INO80D: variants seen among roughly 807,000 people sequenced by gnomAD.
INO80D encodes the protein INO80 complex subunit D.
INO80D carries 21 observed loss-of-function variants against 87.6 expected under a neutral mutation model. The ratio of observed to expected loss-of-function variants is 0.24; its 90% CI spans 0.17 to 0.35. INO80D has a LOEUF of 0.35. INO80D is among the 10% of genes least tolerant of loss of function. INO80D has a pLI of 1.00. For synonymous variants in INO80D, 440 were observed against 491.0 expected (o/e 0.90, Z 1.37); for missense variants, 982 against 1,280.7 (o/e 0.77, Z 3.56).
intron 8 of INO80D, among the ~76,000 whole-genome samples, chr2:206,013,304 A>T (rs1286360086): frequency 6.6e-6 from 1 of 152,208 alleles, no homozygotes; most frequent in Non-Finnish European, 1.5e-5. Flanking sequence ...CTGTAATCCC[A>T]GCACTTTGGG....
intron 4 of INO80D, among the ~76,000 whole-genome samples, chr2:206,048,699 G>C (rs1689263933): frequency 6.6e-6 from 1 of 152,252 alleles, no homozygotes; most frequent in South Asian, 2.1e-4. Flanking sequence ...TTAGAGACCA[G>C]CCTGGGTAAC....
Position 205,996,907 on chromosome 2 carries a change from T to C in INO80D, c.*7461A>G, listed in dbSNP as rs1239852241. 1.4e-5 allele frequency: 2 copies of C among 141,932 alleles called. No homozygotes were observed. The highest frequency in any genetic ancestry group is 7.4e-5 in the Admixed American group (1 of 13,558). 8.8% of individuals were successfully genotyped at this position (141,932 alleles called of 1,614,324 possible). A position where few individuals can be genotyped will look rare whatever the true frequency, so the allele number is the denominator to read the frequency against. ...TTTGCATGCATATGTACAAGAAATATGCAGATCTAAAAAAAAATCCCAAAA... is the reference window on the plus strand; with the variant it reads ...TTTGCATGCATATGTACAAGAAATACGCAGATCTAAAAAAAAATCCCAAAA... On this transcript the variant is annotated 3_prime_UTR_variant, in exon 11 of 11. Transcript: ENST00000403263.
At chr2:206,060,992 T>C (rs1450516194) in intron 3 of INO80D, among the ~76,000 whole-genome samples, 1 of 152,108 alleles carries the variant, frequency 6.6e-6, no homozygotes, top group African/African-American at 2.4e-5. Context: ...TTTGAAGAGA[T>C]TCATAAGGAC....
rs746148095 is a variant in INO80D at position 206,056,755 on chromosome 2, G to A, written c.407C>T (p.Ala136Val). The A allele has an allele frequency of 2.5e-6, 4 of 1,612,924 alleles. No homozygotes were observed. In the East Asian group the frequency reaches 6.7e-5, roughly 27 times the overall value. ...TTCCAGGTAGTGGAGAGGGACCCTT[G>A]CCCCAGGTGGAGAGAGGGACATTCC... ...LDGMSLSPPGARVPLHYLETE... is the reference protein window; with the variant it reads ...LDGMSLSPPGVRVPLHYLETE... The change falls in exon 4 of 11, where the codon GCA (alanine) becomes GTA (valine). Residue 136 changes from alanine (A) to valine (V), a missense_variant. Ala to Val is a moderately conservative substitution (Grantham distance 64, BLOSUM62 0). Coordinates refer to ENST00000403263, the MANE Select transcript of INO80D (RefSeq NM_017759.5).
At chr2:206,069,303 G>A (rs1486237948) in intron 1 of INO80D, among the ~76,000 whole-genome samples, 1 of 151,672 alleles carries the variant, frequency 6.6e-6, no homozygotes, top group Non-Finnish European at 1.5e-5. Context: ...TTTTCCTTAT[G>A]GTTTTCTTAA....
At position 206,009,582 on chromosome 2, in the gene INO80D, G is replaced by T. The variant is rs747617344; in HGVS notation, c.1755C>A (p.His585Gln). 1 of 1,611,148 alleles carries T rather than the reference G, an allele frequency of 6.2e-7. No individual in the cohort carries two copies. Among genetic ancestry groups the T allele is most frequent in the South Asian group, 1.1e-5 (1 of 90,670 alleles). The part of the protein sequence containing the change: ...ASVSLPVEAS[H>Q]IRSPSTPELS... ...GTGCCAGTGGCACCACTGACCGGAT[G>T]TGAGAGGCCTCCACTGGCAGTGAGA... The change falls in exon 9 of 11, where the codon CAC becomes CAA. Residue 585 changes from histidine (H) to glutamine (Q), a missense_variant. Coordinates refer to ENST00000403263, the MANE Select transcript of INO80D (RefSeq NM_017759.5).
At chr2:206,008,283 T>C (rs969996247) in intron 9 of INO80D, among the ~76,000 whole-genome samples, 2 of 57,642 alleles carry the variant, frequency 3.5e-5, no homozygotes, top group African/African-American at 4.8e-5. Context: ...CATGCCTTGC[T>C]TTTTTTTTTT....
At chr2:206,068,960 C>CTG (rs1689890375) in intron 1 of INO80D, among the ~76,000 whole-genome samples, 1 of 152,174 alleles carries the variant, frequency 6.6e-6, no homozygotes, top group Non-Finnish European at 1.5e-5. Flanking sequence ...CTGGGCCTCC[C>CTG]AAAGTGCTGG....
intron 5 of INO80D, among the ~76,000 whole-genome samples, chr2:206,037,445 T>C (rs151026577): frequency 6.6e-6 from 1 of 152,320 alleles, no homozygotes; most frequent in African/African-American, 2.4e-5. Context: ...ATAATGAGTT[T>C]AGTTTTAGAA....
At chr2:206,065,871 T>C (rs900114255) in intron 1 of INO80D, among the ~76,000 whole-genome samples, 1 of 152,160 alleles carries the variant, frequency 6.6e-6, no homozygotes, top group Admixed American at 6.5e-5. Flanking sequence ...ATGGCTATTA[T>C]CAAACAGACA....
chr2:206,009,283 G>A (rs1287042947), intron 9 of INO80D, among the ~76,000 whole-genome samples: 2 of 152,146 alleles, frequency 1.3e-5, no homozygotes, highest in African/African-American at 4.8e-5. Flanking sequence ...ACTTGGCCTG[G>A]GAGACAGAGC....
Position 205,996,624 on chromosome 2 carries a change from A to G in INO80D, c.*7744T>C, listed in dbSNP as rs1687813929. The G allele has an allele frequency of 6.6e-6, 1 of 152,128 alleles. No individual in the cohort carries two copies. Among genetic ancestry groups the G allele is most frequent in the Admixed American group, 6.5e-5 (1 of 15,272 alleles). The allele number at this position is 152,128 out of a possible 1,614,324, so 9.4% of individuals were successfully genotyped here. ...AAGGGAAATATATGTATATAGCTTT[A>G]TCTATACACACACATATACATACGT... On this transcript the variant is annotated 3_prime_UTR_variant, in exon 11 of 11. Transcript: ENST00000403263.
At chr2:206,025,403 C>A (rs1688580017) in intron 6 of INO80D, among the ~76,000 whole-genome samples, 1 of 150,680 alleles carries the variant, frequency 6.6e-6, no homozygotes. Context: ...TGGCGGGTGC[C>A]TGTAGTCCAA....
At position 206,028,359 on chromosome 2, in the gene INO80D, G is replaced by C. The variant is rs745324456; in HGVS notation, c.1074-24C>G. 1.1e-5 allele frequency: 17 copies of C among 1,536,156 alleles called. No homozygotes were observed. In the South Asian group the frequency reaches 1.9e-4, roughly 17 times the overall value. The stretch of plus-strand genomic sequence containing the variant: ...ACCTGGAAAGTGCAGGGAGAGAAAG[G>C]AAAAACTGATTACACATTAGGCTCA... On this transcript the variant is annotated intron_variant, in intron 5 of 10. Transcript: ENST00000403263.
chr2:206,017,504 C>T (rs563519345), intron 8 of INO80D, among the ~76,000 whole-genome samples, 176 bp downstream of exon 8: 4 of 152,164 alleles, frequency 2.6e-5, no homozygotes, highest in African/African-American at 9.7e-5. Flanking sequence ...TTTAGAAATT[C>T]TGCTATGTAT....
At position 206,085,352 on chromosome 2, in the gene INO80D, G is replaced by A. The variant is rs1162090786; in HGVS notation, c.-124+549C>T. ...GGGGGCCGTCTGCGAGAGACCCGGG[G>A]GAAGGGGAGCCGGGCGCCCATTCCC... On this transcript the variant is annotated intron_variant, in intron 1 of 10. Coordinates refer to ENST00000403263, the MANE Select transcript of INO80D (RefSeq NM_017759.5). The surrounding 1 kb of genome is among the most constrained non-coding windows in gnomAD (Gnocchi z 4.5). Among the ~76,000 whole-genome samples, 1 of 151,876 alleles carries A rather than the reference G, an allele frequency of 6.6e-6. No individual in the cohort carries two copies. Among genetic ancestry groups the A allele is most frequent in the Non-Finnish European group, 1.5e-5 (1 of 67,922 alleles).
intron 1 of INO80D, among the ~76,000 whole-genome samples, chr2:206,073,757 C>A (rs1690033794): frequency 6.6e-6 from 1 of 152,180 alleles, no homozygotes; most frequent in Non-Finnish European, 1.5e-5. Context: ...TCAAGCCATC[C>A]ACCAGCATCA....
intron 10 of INO80D, among the ~76,000 whole-genome samples, chr2:206,006,015 T>G (rs1044000507): frequency 6.6e-6 from 1 of 152,150 alleles, no homozygotes; most frequent in African/African-American, 2.4e-5. Flanking sequence ...ACACAGAAAT[T>G]CATACATCTA....
chr2:206,072,533 C>T lies in INO80D; in HGVS notation c.-123-9289G>A, dbSNP rs147001661. Among the ~76,000 whole-genome samples the T allele has an allele frequency of 6.0e-3, 910 of 152,194 alleles. 17 individuals are homozygous for T. Among genetic ancestry groups the T allele is most frequent in the African/African-American group, 0.021 (871 of 41,528 alleles). On this transcript the variant is annotated intron_variant, in intron 1 of 10. Coordinates refer to ENST00000403263, the MANE Select transcript of INO80D (RefSeq NM_017759.5). The stretch of plus-strand genomic sequence containing the variant: ...CCTCAGGTGATCCATCCACTTCAGC[C>T]TCCCAAAGTGCTAGGATTACAGGCA...
Sources: allele counts gnomAD v4.1 joint callset (sites outside exome capture counted in the v4.1 genomes callset), GRCh38; gene constraint gnomAD v4.1.1; non-coding constraint Gnocchi (gnomAD v3.1); transcripts MANE v1.5; gene names NCBI Gene and HGNC (gene_info 2026-07-23, HGNC 2026-07-21).